USP34: variants seen among roughly 807,000 people sequenced by gnomAD.
USP34 encodes the protein ubiquitin carboxyl-terminal hydrolase 34.
In USP34, 70 loss-of-function variants were observed where a neutral mutation model predicts 460.3. The ratio of observed to expected loss-of-function variants is 0.15; its 90% CI spans 0.13 to 0.19. The LOEUF (loss-of-function observed/expected upper bound fraction) is 0.19. USP34 is among the 10% of genes least tolerant of loss of function. The pLI is 1.00. For synonymous variants in USP34, 1,647 were observed against 1,405.3 expected, an observed-to-expected ratio of 1.17 and a Z score of -3.85; for missense variants, 3,985 against 4,236.2, an observed-to-expected ratio of 0.94 and a Z score of 1.65.
intron 41 of USP34, 26 bp downstream of exon 41, chr2:61,278,139 A>G: frequency 6.2e-7 from 1 of 1,607,472 alleles, no homozygotes. Context: ...CATTTCATAG[A>G]AACATTTGAT....
chr2:61,218,010 T>A (rs1479422179), intron 67 of USP34, among the ~76,000 whole-genome samples: 1 of 151,876 alleles, frequency 6.6e-6, no homozygotes, highest in Non-Finnish European at 1.5e-5. Context: ...GATATATAAT[T>A]TTTAAGAATC....
chr2:61,192,568 G>T (rs750106992), intron 76 of USP34, among the ~76,000 whole-genome samples: 9 of 152,238 alleles, frequency 5.9e-5, no homozygotes, highest in Non-Finnish European at 1.3e-4. Flanking sequence ...AGGTGAAGGA[G>T]AGGAAGAAGT....
intron 75 of USP34, among the ~76,000 whole-genome samples, chr2:61,197,844 C>T (rs2103753931): frequency 6.6e-6 from 1 of 152,288 alleles, no homozygotes; most frequent in East Asian, 1.9e-4. Flanking sequence ...ACTGCAACCT[C>T]CACCTCCCAG....
intron 3 of USP34, among the ~76,000 whole-genome samples, chr2:61,401,917 C>T (rs1305718728): frequency 1.3e-5 from 2 of 151,012 alleles, no homozygotes; most frequent in Non-Finnish European, 2.9e-5. Context: ...GAGCAATTAT[C>T]TGATTTCACA....
At chr2:61,306,404 G>A (rs1690405373) in intron 27 of USP34, among the ~76,000 whole-genome samples, 1 of 151,932 alleles carries the variant, frequency 6.6e-6, no homozygotes, top group Non-Finnish European at 1.5e-5. Flanking sequence ...ATTTCTGAGG[G>A]TTCTGTTCTG....
chr2:61,361,896 T>A lies in USP34; in HGVS notation c.1251+8425A>T, dbSNP rs578146490. On this transcript the variant is annotated intron_variant, in intron 10 of 79. Coordinates refer to ENST00000398571, the MANE Select transcript of USP34 (RefSeq NM_014709.4). ...GCAACCTACAAAATGGAATAAAATA[T>A]TTACAAACCATGTATTGATTAGGGG... Among the ~76,000 whole-genome samples the A allele has an allele frequency of 2.6e-5, 4 of 152,044 alleles. No individual in the cohort carries two copies. In the East Asian group the frequency reaches 5.8e-4, roughly 22 times the overall value.
At chr2:61,287,027 A>G (rs1029978858) in intron 34 of USP34, among the ~76,000 whole-genome samples, 2 of 152,356 alleles carry the variant, frequency 1.3e-5, no homozygotes, top group Admixed American at 6.5e-5. Flanking sequence ...TAGTAATGTA[A>G]GGTTACTAAA....
At chr2:61,317,894 A>AT in intron 22 of USP34, 127 bp from the exon 23 acceptor site, 1 of 642,766 alleles carries the variant, frequency 1.6e-6, no homozygotes, top group East Asian at 3.0e-5. Flanking sequence ...TTTAGTGATA[A>AT]TTTTAAAAAA....
At chr2:61,317,864 GA>G (rs1460903075) in intron 22 of USP34, 97 bp from the exon 23 acceptor site, 6 of 799,404 alleles carry the variant, frequency 7.5e-6, no homozygotes, top group Non-Finnish European at 1.2e-5. Flanking sequence ...ACTGTAGAAG[GA>G]AACAGATCAG....
intron 16 of USP34, 65 bp downstream of exon 16, chr2:61,343,750 C>T: frequency 1.5e-6 from 2 of 1,362,716 alleles, no homozygotes; most frequent in Non-Finnish European, 2.1e-6. Context: ...GTCCTTTCAA[C>T]AAAGTAAGAT....
Position 61,348,445 on chromosome 2 carries a change from G to A in USP34, c.1710C>T (p.Asn570=), listed in dbSNP as rs1437347933. The change falls in exon 15 of 80, where the codon AAC becomes AAT. Residue 570 remains asparagine, a synonymous_variant. Transcript: ENST00000398571. ...SMQGSSDETA[N]SGEDGSSGPG... ...GACCACTGCTTCCATCTTCACCACT[G>A]TTGGCAGTTTCGTCAGAACTTCCCT... 4 of 1,613,126 alleles carry A rather than the reference G, an allele frequency of 2.5e-6. No individual in the cohort carries two copies. In the South Asian group the frequency reaches 3.3e-5, roughly 13 times the overall value.
At chr2:61,221,319 G>A (rs1370672199) in intron 66 of USP34, among the ~76,000 whole-genome samples, 183 bp downstream of exon 66, 1 of 152,172 alleles carries the variant, frequency 6.6e-6, no homozygotes, top group East Asian at 1.9e-4. Context: ...TGTTTATGAT[G>A]CTACAAGAAT....
At chr2:61,265,272 T>C in intron 43 of USP34, 125 bp downstream of exon 43, 4 of 1,025,198 alleles carry the variant, frequency 3.9e-6, no homozygotes, top group Non-Finnish European at 4.2e-6. Flanking sequence ...CTAGTTACTG[T>C]AATCAAATTT....
intron 27 of USP34, among the ~76,000 whole-genome samples, chr2:61,306,461 T>C (rs1272645266): frequency 2.0e-5 from 3 of 152,224 alleles, no homozygotes; most frequent in Non-Finnish European, 4.4e-5. Flanking sequence ...CATGCTGTTT[T>C]GGTTACTATA....
intron 3 of USP34, among the ~76,000 whole-genome samples, chr2:61,398,739 G>A (rs932302006): frequency 6.6e-6 from 1 of 152,142 alleles, no homozygotes; most frequent in African/African-American, 2.4e-5. Context: ...AGATATTTAA[G>A]TTACACTGCT....
In USP34 at chr2:61,394,764, A is replaced by T. The variant is rs924113885; in HGVS notation, c.753+89T>A. 3.6e-6 allele frequency: 4 copies of T among 1,116,186 alleles called. No individual in the cohort carries two copies. In the African/African-American group the frequency reaches 6.5e-5, roughly 18 times the overall value. The allele number at this position is 1,116,186 out of a possible 1,614,324, so 69.1% of individuals were successfully genotyped here. On this transcript the variant is annotated intron_variant, in intron 5 of 79. Transcript: ENST00000398571. ...AAAAAATTACACATGCAAATCATTC[A>T]AAACCTTCCTTTTCAGAGCATAAAA...
At chr2:61,302,357 G>C (rs981080682) in intron 27 of USP34, among the ~76,000 whole-genome samples, 1 of 152,146 alleles carries the variant, frequency 6.6e-6, no homozygotes, top group Non-Finnish European at 1.5e-5. Flanking sequence ...AAAAAGGTTT[G>C]TGGAAAAATA....
rs1345747647 is a variant in USP34, at chr2:61,347,727, T to G, written c.2285+143A>C. The G allele has an allele frequency of 2.1e-6, 3 of 1,430,278 alleles. No homozygotes were observed. The Admixed American group carries it at 7.5e-5, about 36-fold the overall frequency. 88.6% of individuals were successfully genotyped at this position (1,430,278 alleles called of 1,614,324 possible). Reference sequence around the variant, plus strand: ...ATGTGCCCAATAGAAAACTTGAAATTATCTATTTGTAGCTTACATTTATAG... The same window carrying G: ...ATGTGCCCAATAGAAAACTTGAAATGATCTATTTGTAGCTTACATTTATAG... On this transcript the variant is annotated intron_variant, in intron 15 of 79. Coordinates refer to ENST00000398571, the MANE Select transcript of USP34 (RefSeq NM_014709.4).
chr2:61,242,436 A>T (rs918665613), intron 51 of USP34, among the ~76,000 whole-genome samples: 1 of 149,536 alleles, frequency 6.7e-6, no homozygotes, highest in Non-Finnish European at 1.5e-5. Context: ...GAAAAAGGTA[A>T]GAGTCAACCA....
Sources: allele counts gnomAD v4.1 joint callset (sites outside exome capture counted in the v4.1 genomes callset), GRCh38; gene constraint gnomAD v4.1.1; transcripts MANE v1.5; gene names NCBI Gene and HGNC (gene_info 2026-07-23, HGNC 2026-07-21).